NRXN3: variants seen among roughly 807,000 people sequenced by gnomAD.
NRXN3 encodes neurexin 3.
A neutral mutation model predicts 137.6 loss-of-function variants in NRXN3; 32 were observed. That is an observed-to-expected ratio of 0.23 (90% CI 0.18 to 0.31). The LOEUF is 0.31. Ranked by LOEUF, NRXN3 falls within the 10% of genes least tolerant of loss-of-function variation. The pLI, the probability that NRXN3 is intolerant of heterozygous loss-of-function variation, is 1.00. For synonymous variants in NRXN3, 798 were observed against 784.5 expected, an observed-to-expected ratio of 1.02 and a Z score of -0.29; for missense variants, 1,574 against 2,062.5, an observed-to-expected ratio of 0.76 and a Z score of 4.59.
At chr14:79,504,674 T>TATATATATATATATAA (rs1464757508) in intron 16 of NRXN3, among the ~76,000 whole-genome samples, 12 of 143,452 alleles carry the variant, frequency 8.4e-5, no homozygotes, top group African/African-American at 2.3e-4. Context: ...TATATATATA[T>TATATATATATATATAA]AAAACATTAC....
intron 18 of NRXN3, 60 bp from the exon 19 acceptor site, chr14:79,697,570 G>A: frequency 6.4e-7 from 1 of 1,556,854 alleles, no homozygotes; most frequent in Non-Finnish European, 8.7e-7. Context: ...ATTCAGACCA[G>A]GTAAGGCAAA....
chr14:78,206,850 A>G (rs866753699), intron 1 of NRXN3, among the ~76,000 whole-genome samples: 5 of 151,776 alleles, frequency 3.3e-5, no homozygotes, highest in Middle Eastern at 3.4e-3. Flanking sequence ...GTTTTGCCAC[A>G]TCGGACATTC....
intron 8 of NRXN3, among the ~76,000 whole-genome samples, chr14:78,722,335 C>A (rs1197110936): frequency 6.6e-6 from 1 of 152,148 alleles, no homozygotes; most frequent in Non-Finnish European, 1.5e-5. Flanking sequence ...ATTTACATTG[C>A]CACTGTGTAT....
At chr14:79,070,709 A>T (rs372646118) in intron 15 of NRXN3, among the ~76,000 whole-genome samples, 34 of 152,194 alleles carry the variant, frequency 2.2e-4, no homozygotes, top group African/African-American at 8.2e-4. Flanking sequence ...TAGGGGAAAT[A>T]AGTTAACCAA....
intron 15 of NRXN3, among the ~76,000 whole-genome samples, chr14:79,143,020 C>CT (rs1271049511): frequency 3.3e-5 from 5 of 152,258 alleles, no homozygotes; most frequent in African/African-American, 1.2e-4. Context: ...TATTTGCCAT[C>CT]TTGTTTTACA....
chr14:78,890,995 G>A (rs529186952), intron 10 of NRXN3, among the ~76,000 whole-genome samples: 23 of 152,038 alleles, frequency 1.5e-4, no homozygotes, highest in African/African-American at 5.5e-4. Context: ...GTAATAAGTA[G>A]TATAGGTAAT....
At chr14:78,800,257 CATTT>C (rs1432269926) in intron 8 of NRXN3, among the ~76,000 whole-genome samples, 1 of 152,068 alleles carries the variant, frequency 6.6e-6, no homozygotes, top group Non-Finnish European at 1.5e-5. Flanking sequence ...CCAGTTCTGC[CATTT>C]ATTAGCCATG....
chr14:79,656,949 G>A (rs148362927), intron 16 of NRXN3, among the ~76,000 whole-genome samples: 166 of 152,158 alleles, frequency 1.1e-3, no homozygotes, highest in African/African-American at 3.6e-3. Flanking sequence ...GGAGACAGTC[G>A]TTGTAAATAG....
chr14:78,711,007 A>AC (rs1316921543), intron 7 of NRXN3, among the ~76,000 whole-genome samples: 2 of 152,068 alleles, frequency 1.3e-5, no homozygotes, highest in Admixed American at 1.3e-4. Flanking sequence ...ATCCCGCCAC[A>AC]CCCCCCATAC....
At chr14:79,131,888 T>G (rs773651917) in intron 15 of NRXN3, among the ~76,000 whole-genome samples, 2 of 152,194 alleles carry the variant, frequency 1.3e-5, no homozygotes, top group Non-Finnish European at 2.9e-5. Context: ...TGGTGTGCCG[T>G]TTTTTAAGCC....
intron 10 of NRXN3, among the ~76,000 whole-genome samples, chr14:78,956,881 C>T (rs1031674988): frequency 2.6e-5 from 4 of 152,176 alleles, no homozygotes; most frequent in Admixed American, 6.5e-5. Context: ...GGTAAATTTC[C>T]TATATCTTAA....
At chr14:78,286,116 A>G (rs2153512071) in intron 3 of NRXN3, among the ~76,000 whole-genome samples, 1 of 152,312 alleles carries the variant, frequency 6.6e-6, no homozygotes, top group East Asian at 1.9e-4. Flanking sequence ...GGTTATGGTC[A>G]CATTTCATTT....
intron 15 of NRXN3, among the ~76,000 whole-genome samples, chr14:79,422,383 C>T (rs187051072): frequency 1.8e-3 from 278 of 152,260 alleles, no homozygotes; most frequent in Admixed American, 3.7e-3. Context: ...TCTGACAAAG[C>T]TACTCCATTC....
At chr14:78,896,639 A>G (rs1354473697) in intron 10 of NRXN3, among the ~76,000 whole-genome samples, 4 of 151,880 alleles carry the variant, frequency 2.6e-5, no homozygotes, top group Non-Finnish European at 4.4e-5. Flanking sequence ...AGGAGCTTTT[A>G]TAGAGAGGCA....
intron 8 of NRXN3, among the ~76,000 whole-genome samples, chr14:78,770,218 G>C (rs1339754576): frequency 6.6e-6 from 1 of 152,252 alleles, no homozygotes; most frequent in Middle Eastern, 3.4e-3. Context: ...CCTCACCCAG[G>C]GTCGCCCAGC....
At chr14:79,639,111 T>C (rs1249822255) in intron 16 of NRXN3, among the ~76,000 whole-genome samples, 25 of 152,106 alleles carry the variant, frequency 1.6e-4, no homozygotes, top group Admixed American at 1.6e-3. Flanking sequence ...CACCTAGAGA[T>C]ATGTGTGCAC....
At chr14:78,491,492 G>T (rs1361623997) in intron 4 of NRXN3, among the ~76,000 whole-genome samples, 1 of 152,182 alleles carries the variant, frequency 6.6e-6, no homozygotes, top group Non-Finnish European at 1.5e-5. Context: ...GGATTGGAAT[G>T]TATTCTCAGG....
intron 15 of NRXN3, among the ~76,000 whole-genome samples, chr14:79,197,884 C>G (rs965244786): frequency 6.6e-6 from 1 of 152,208 alleles, no homozygotes; most frequent in African/African-American, 2.4e-5. Flanking sequence ...TCCTCTCAAA[C>G]CCTGCCATTG....
chr14:79,389,562 T>C (rs932790795), intron 15 of NRXN3, among the ~76,000 whole-genome samples: 3 of 152,182 alleles, frequency 2.0e-5, no homozygotes, highest in African/African-American at 7.2e-5. Flanking sequence ...CCTTCTTTCC[T>C]CATCTGATAA....
Sources: allele counts gnomAD v4.1 joint callset (sites outside exome capture counted in the v4.1 genomes callset), GRCh38; gene constraint gnomAD v4.1.1; transcripts MANE v1.5; gene names NCBI Gene and HGNC (gene_info 2026-07-23, HGNC 2026-07-21).